GRIP1: variants seen among roughly 807,000 people sequenced by gnomAD.
GRIP1 encodes glutamate receptor-interacting protein 1.
GRIP1 carries 45 observed loss-of-function variants against 129.9 expected under a neutral mutation model. The observed-to-expected ratio is 0.35, with a 90% confidence interval of 0.27 to 0.44. The LOEUF is 0.44. Among genes scored for constraint, GRIP1 ranks in the 20% least tolerant of loss-of-function variants. The pLI, the probability that GRIP1 is intolerant of heterozygous loss-of-function variation, is 1.00. For synonymous variants in GRIP1, 530 were observed against 520.8 expected (o/e 1.02, Z -0.24); for missense variants, 1,196 against 1,396.8 (o/e 0.86, Z 2.29).
intron 1 of GRIP1, among the ~76,000 whole-genome samples, chr12:66,688,053 G>A (rs762791123): frequency 4.6e-5 from 7 of 152,160 alleles, no homozygotes; most frequent in Non-Finnish European, 7.3e-5. Context: ...AAATAGAGTC[G>A]AGGGATGGAG....
intron 1 of GRIP1, among the ~76,000 whole-genome samples, chr12:66,928,328 G>T (rs960682075): frequency 6.6e-6 from 1 of 152,146 alleles, no homozygotes; most frequent in Non-Finnish European, 1.5e-5. Flanking sequence ...AAGCATCTGT[G>T]ATTATTGTTG....
intron 1 of GRIP1, among the ~76,000 whole-genome samples, chr12:66,793,370 C>T (rs1354161152): frequency 6.6e-6 from 1 of 152,112 alleles, no homozygotes; most frequent in African/African-American, 2.4e-5. Flanking sequence ...GATCTGTTTG[C>T]TCACCTTGGT....
chr12:66,722,501 T>C (rs2036088423), intron 1 of GRIP1, among the ~76,000 whole-genome samples: 3 of 152,042 alleles, frequency 2.0e-5, no homozygotes, highest in African/African-American at 7.2e-5. Flanking sequence ...TAACCACAGA[T>C]CACCATAACA....
At chr12:66,619,607 A>G (rs1393867175) in intron 1 of GRIP1, among the ~76,000 whole-genome samples, 1 of 152,174 alleles carries the variant, frequency 6.6e-6, no homozygotes, top group Admixed American at 6.6e-5. Flanking sequence ...TGAACATGGA[A>G]ATAAAATCAA....
intron 1 of GRIP1, among the ~76,000 whole-genome samples, chr12:66,635,248 T>C (rs193269499): frequency 6.6e-6 from 1 of 151,868 alleles, no homozygotes; most frequent in African/African-American, 2.4e-5. Flanking sequence ...CGAGACCCCA[T>C]CTTTATTAAA....
rs183105710 is a variant in GRIP1, at chr12:66,671,861, A to C, written c.55+6989T>G. 3.3e-5 allele frequency among the ~76,000 whole-genome samples: 5 copies of C among 152,340 alleles called. No homozygotes were observed. The East Asian group carries it at 9.6e-4, about 29-fold the overall frequency. Reference sequence around the variant, plus strand: ...GACAATATGTATCAGAAGACTTGAAAGTGAAGATACATGAAGGCAACAATT... The same window carrying C: ...GACAATATGTATCAGAAGACTTGAACGTGAAGATACATGAAGGCAACAATT... On this transcript the variant is annotated intron_variant, in intron 1 of 24. Transcript: ENST00000359742.
intron 1 of GRIP1, among the ~76,000 whole-genome samples, chr12:66,766,714 G>T (rs1225126174): frequency 6.6e-6 from 1 of 152,200 alleles, no homozygotes; most frequent in African/African-American, 2.4e-5. Context: ...TTGACTTAAA[G>T]ATCAACAGTC....
intron 1 of GRIP1, among the ~76,000 whole-genome samples, chr12:66,691,255 T>C (rs2034973674): frequency 6.6e-6 from 1 of 152,192 alleles, no homozygotes; most frequent in South Asian, 2.1e-4. Context: ...CTTCAGTCAT[T>C]TGTATCTGTG....
chr12:66,994,725 TTA>T (rs1367198607), intron 1 of GRIP1, among the ~76,000 whole-genome samples: 3 of 152,008 alleles, frequency 2.0e-5, no homozygotes, highest in Non-Finnish European at 4.4e-5. Flanking sequence ...AAGTCTTCTG[TTA>T]ATGAAACAGA....
chr12:66,718,785 G>A (rs2035970975), intron 1 of GRIP1, among the ~76,000 whole-genome samples: 1 of 152,098 alleles, frequency 6.6e-6, no homozygotes, highest in Non-Finnish European at 1.5e-5. Flanking sequence ...ATGGGAGGTG[G>A]AGGTTCCACT....
At chr12:66,803,931 C>G in intron 1 of GRIP1, 1 of 353,834 alleles carries the variant, frequency 2.8e-6, no homozygotes, top group South Asian at 2.2e-5. Flanking sequence ...TCAGTACTTA[C>G]AGACTGCTCA....
chr12:66,608,971 A>AT (rs918311279), intron 1 of GRIP1, among the ~76,000 whole-genome samples: 3 of 139,412 alleles, frequency 2.2e-5, no homozygotes, highest in Admixed American at 7.1e-5. Context: ...TTATATATAT[A>AT]TTTTTTTACA....
At chr12:66,974,391 C>T (rs1002980734) in intron 1 of GRIP1, among the ~76,000 whole-genome samples, 1 of 152,164 alleles carries the variant, frequency 6.6e-6, no homozygotes, top group Non-Finnish European at 1.5e-5. Context: ...TATTTGTTAA[C>T]TTATTTATTG....
chr12:67,035,229 A>C (rs2043077831), intron 1 of GRIP1, among the ~76,000 whole-genome samples: 1 of 152,140 alleles, frequency 6.6e-6, no homozygotes. Flanking sequence ...TGTTTCCTCC[A>C]TGCAGTTCCA....
At chr12:66,719,020 A>G (rs1252139980) in intron 1 of GRIP1, among the ~76,000 whole-genome samples, 1 of 152,160 alleles carries the variant, frequency 6.6e-6, no homozygotes, top group African/African-American at 2.4e-5. Flanking sequence ...TGCCCAACTA[A>G]GAAATTTTTT....
chr12:66,932,058 T>G (rs1207526880), intron 1 of GRIP1, among the ~76,000 whole-genome samples: 1 of 152,170 alleles, frequency 6.6e-6, no homozygotes, highest in Non-Finnish European at 1.5e-5. Flanking sequence ...TAATAAGCCA[T>G]TAAATATTTC....
intron 1 of GRIP1, among the ~76,000 whole-genome samples, chr12:66,788,122 T>G (rs760688015): frequency 3.3e-5 from 5 of 152,056 alleles, no homozygotes; most frequent in Admixed American, 1.3e-4. Flanking sequence ...CATTCAAGAC[T>G]ATTTAGAAAG....
At chr12:66,571,317 C>G (rs1178412672) in intron 2 of GRIP1, among the ~76,000 whole-genome samples, 1 of 152,196 alleles carries the variant, frequency 6.6e-6, no homozygotes, top group Non-Finnish European at 1.5e-5. Context: ...CAGAGAATAA[C>G]AACTTTGTGT....
chr12:66,881,026 G>A (rs561300459), intron 1 of GRIP1, among the ~76,000 whole-genome samples: 7 of 151,526 alleles, frequency 4.6e-5, no homozygotes, highest in Admixed American at 3.9e-4. Flanking sequence ...CAAATACCAG[G>A]TGTCTCAGGT....
Sources: allele counts gnomAD v4.1 joint callset (sites outside exome capture counted in the v4.1 genomes callset), GRCh38; gene constraint gnomAD v4.1.1; transcripts MANE v1.5; gene names NCBI Gene and HGNC (gene_info 2026-07-23, HGNC 2026-07-21).